Variants in LPP observed in about 807,000 individuals in gnomAD.
LPP encodes the protein LIM domain containing preferred translocation partner in lipoma, also known as lipoma-preferred partner.
LPP carries 38 observed loss-of-function variants against 60.4 expected under a neutral mutation model. The observed-to-expected ratio is 0.63, with a 90% CI of 0.49 to 0.83. The LOEUF (loss-of-function observed/expected upper bound fraction) is 0.83. LPP is among the 40% of genes least tolerant of loss of function. The pLI, the probability that LPP is intolerant of heterozygous loss-of-function variation, is 0.00. For synonymous variants in LPP, 328 were observed against 290.8 expected, an observed-to-expected ratio of 1.13 and a Z score of -1.30; for missense variants, 902 against 783.6, an observed-to-expected ratio of 1.15 and a Z score of -1.80.
chr3:188,771,563 AAAAG>A (rs1553842319), intron 9 of LPP, among the ~76,000 whole-genome samples: 2 of 95,170 alleles, frequency 2.1e-5, no homozygotes, highest in African/African-American at 5.5e-5. Context: ...AAAAAAAAAA[AAAAG>A]AAAGAAAGAA....
chr3:188,573,631 C>T (rs1028504412), intron 6 of LPP, among the ~76,000 whole-genome samples: 1 of 152,114 alleles, frequency 6.6e-6, no homozygotes, highest in Admixed American at 6.5e-5. Context: ...ACTCCATTAT[C>T]AATGATCAAT....
At chr3:188,373,664 T>A (rs1158830225) in intron 3 of LPP, among the ~76,000 whole-genome samples, 1 of 152,180 alleles carries the variant, frequency 6.6e-6, no homozygotes, top group Non-Finnish European at 1.5e-5. Context: ...GGTTGCCTGT[T>A]CACTCTGATG....
intron 6 of LPP, among the ~76,000 whole-genome samples, chr3:188,525,041 A>G (rs754023683): frequency 4.3e-5 from 6 of 140,130 alleles, no homozygotes; most frequent in Non-Finnish European, 9.1e-5. Context: ...ATCTTGTCTC[A>G]CTGCAACCTC....
At chr3:188,336,714 C>T (rs1761742129) in intron 2 of LPP, among the ~76,000 whole-genome samples, 1 of 152,136 alleles carries the variant, frequency 6.6e-6, no homozygotes, top group Non-Finnish European at 1.5e-5. Context: ...TGACACTAAG[C>T]AGGTAGACCA....
intron 1 of LPP, among the ~76,000 whole-genome samples, chr3:188,169,114 C>T (rs575843885): frequency 1.4e-4 from 21 of 152,218 alleles, no homozygotes; most frequent in Non-Finnish European, 2.1e-4. Flanking sequence ...ACTTTGGGCT[C>T]GTAGTATAAC....
intron 1 of LPP, among the ~76,000 whole-genome samples, chr3:188,162,604 C>T (rs933232525): frequency 6.6e-6 from 1 of 152,008 alleles, no homozygotes; most frequent in African/African-American, 2.4e-5. Flanking sequence ...AAACAAAGAC[C>T]TATGTTTGGG....
intron 2 of LPP, among the ~76,000 whole-genome samples, chr3:188,321,279 G>T (rs533684612): frequency 6.6e-6 from 1 of 152,356 alleles, no homozygotes; most frequent in East Asian, 1.9e-4. Context: ...ACATGTGGCT[G>T]TTGAGCACTT....
At chr3:188,626,548 G>A (rs1480371945) in intron 7 of LPP, among the ~76,000 whole-genome samples, 1 of 152,006 alleles carries the variant, frequency 6.6e-6, no homozygotes, top group African/African-American at 2.4e-5. Context: ...CTGAGATCAA[G>A]GTACTCACAA....
In LPP at chr3:188,374,875, C is replaced by T. The variant is rs975270507; in HGVS notation, c.-9-31237C>T. Among the ~76,000 whole-genome samples the T allele has an allele frequency of 1.3e-4, 20 of 151,970 alleles. 1 individual carries two copies. The highest frequency in any genetic ancestry group is 3.9e-4 in the East Asian group (2 of 5,164). Reference sequence around the variant, plus strand: ...AGATAGCTCTTATTATTTTGAGATACGTCCCATCAATACCTAATTTATTGA... The same window carrying T: ...AGATAGCTCTTATTATTTTGAGATATGTCCCATCAATACCTAATTTATTGA... On this transcript the variant is annotated intron_variant, in intron 3 of 11. Transcript: ENST00000617246.
intron 8 of LPP, among the ~76,000 whole-genome samples, chr3:188,720,252 T>C (rs1715784137): frequency 6.6e-6 from 1 of 152,174 alleles, no homozygotes; most frequent in South Asian, 2.1e-4. Flanking sequence ...TCTACAAATA[T>C]TTATTGAGTG....
intron 3 of LPP, among the ~76,000 whole-genome samples, chr3:188,396,220 A>C (rs1322673791): frequency 6.6e-6 from 1 of 152,234 alleles, no homozygotes; most frequent in Non-Finnish European, 1.5e-5. Context: ...ACTCATATTC[A>C]TTGAAGGAAA....
chr3:188,229,596 G>A (rs945564685), intron 2 of LPP, among the ~76,000 whole-genome samples: 5 of 152,120 alleles, frequency 3.3e-5, no homozygotes, highest in Non-Finnish European at 7.3e-5. Flanking sequence ...AGGATTTGTC[G>A]GGTCTGAGCA....
At chr3:188,565,979 G>A (rs1294652736) in intron 6 of LPP, among the ~76,000 whole-genome samples, 2 of 151,958 alleles carry the variant, frequency 1.3e-5, no homozygotes, top group Non-Finnish European at 2.9e-5. Context: ...GGGCTTAGAG[G>A]TGAGGGATTT....
chr3:188,550,963 A>G (rs1827970678), intron 6 of LPP, among the ~76,000 whole-genome samples: 1 of 152,194 alleles, frequency 6.6e-6, no homozygotes, highest in Admixed American at 6.5e-5. Flanking sequence ...TTTCTACAGA[A>G]GGAGTTTGGT....
chr3:188,828,873 G>T (rs972511916), intron 9 of LPP, among the ~76,000 whole-genome samples: 4 of 151,908 alleles, frequency 2.6e-5, no homozygotes, highest in Non-Finnish European at 5.9e-5. Flanking sequence ...TGTGTTTTAG[G>T]TATTATGTAT....
chr3:188,845,514 G>A (rs923624989), intron 9 of LPP, among the ~76,000 whole-genome samples: 11 of 152,174 alleles, frequency 7.2e-5, no homozygotes, highest in Non-Finnish European at 2.9e-5. Flanking sequence ...TTTAGAAAGG[G>A]TCTCTTTTCA....
chr3:188,260,921 G>A (rs1560170790), intron 2 of LPP, among the ~76,000 whole-genome samples: 1 of 151,966 alleles, frequency 6.6e-6, no homozygotes, highest in African/African-American at 2.4e-5. Flanking sequence ...TGTAGTCCCA[G>A]CTACTCAGGA....
chr3:188,409,765 G>A (rs1415199072), intron 4 of LPP, among the ~76,000 whole-genome samples: 1 of 152,040 alleles, frequency 6.6e-6, no homozygotes, highest in Non-Finnish European at 1.5e-5. Flanking sequence ...CTTAAAAGTT[G>A]ACCTCCACGA....
At chr3:188,588,147 G>C (rs1170321810) in intron 6 of LPP, among the ~76,000 whole-genome samples, 1 of 152,154 alleles carries the variant, frequency 6.6e-6, no homozygotes, top group African/African-American at 2.4e-5. Flanking sequence ...ATGGAATAGC[G>C]TATACAGCTC....
Sources: gnomAD v4.1 joint callset for allele counts (sites outside exome capture counted in the v4.1 genomes callset) on GRCh38, gnomAD v4.1.1 for gene constraint, MANE v1.5 for transcripts, NCBI Gene and HGNC (gene_info 2026-07-23, HGNC 2026-07-21) for gene names.